FAM227A: variants seen among roughly 807,000 people sequenced by gnomAD.
FAM227A encodes the protein protein FAM227A.
Under a neutral mutation model 74.7 loss-of-function variants are expected in FAM227A, and 80 were observed. That is an observed-to-expected ratio of 1.07 (90% CI 0.89 to 1.29). The LOEUF (loss-of-function observed/expected upper bound fraction) is 1.29, where lower values mean the gene tolerates loss of function less well. Ranked by LOEUF, FAM227A falls within the 50% of genes most tolerant of loss-of-function variation. The pLI is 0.00. For synonymous variants in FAM227A, 237 were observed against 241.8 expected (o/e 0.98, Z 0.19); for missense variants, 654 against 683.4 (o/e 0.96, Z 0.48).
intron 10 of FAM227A, among the ~76,000 whole-genome samples, chr22:38,622,713 T>C (rs1056126017): frequency 1.3e-5 from 2 of 151,606 alleles, no homozygotes; most frequent in African/African-American, 4.8e-5. Flanking sequence ...CTGTCTCTAC[T>C]AAAAATACAA....
chr22:38,628,824 TTGTATTTA>T lies in FAM227A; in HGVS notation c.621+2_621+9del. The stretch of plus-strand genomic sequence containing the variant: ...AAGCAAGGCAGAGAAACAAGCAGAT[TTGTATTTA>T]CCTGGTACCTCTCATGAAATATCCA... On this transcript the variant is annotated splice_donor_variant and splice_donor_5th_base_variant and intron_variant, in intron 7 of 16. Coordinates refer to ENST00000535113, the MANE Select transcript of FAM227A (RefSeq NM_001013647.2). LOFTEE classifies it high-confidence loss of function. The T allele has an allele frequency of 7.0e-7, 1 of 1,437,264 alleles. No individual in the cohort carries two copies. The allele number at this position is 1,437,264 out of a possible 1,614,324, so 89.0% of individuals were successfully genotyped here.
In FAM227A at chr22:38,586,217, G is replaced by A. The variant is rs1292484524; in HGVS notation, c.1639-18C>T. The A allele has an allele frequency of 1.2e-5, 19 of 1,545,476 alleles. No homozygotes were observed. The highest frequency in any genetic ancestry group is 1.7e-4 in the Middle Eastern group (1 of 5,952). On this transcript the variant is annotated intron_variant, in intron 16 of 16. Coordinates refer to ENST00000535113, the MANE Select transcript of FAM227A (RefSeq NM_001013647.2). ...TTCCCCTCCTGTGGGGGAAACAAAC[G>A]AACAAAAACAAAAATTAATTTAAAA...
At chr22:38,646,654 A>T (rs1331866428) in intron 2 of FAM227A, among the ~76,000 whole-genome samples, 7 of 150,278 alleles carry the variant, frequency 4.7e-5, no homozygotes, top group African/African-American at 1.7e-4. Flanking sequence ...CATTATTATT[A>T]TTATTTTTTT....
intron 2 of FAM227A, among the ~76,000 whole-genome samples, chr22:38,649,145 C>A (rs2092286857): frequency 6.6e-6 from 1 of 152,116 alleles, no homozygotes; most frequent in South Asian, 2.1e-4. Context: ...CCATTCTTTC[C>A]ACAAATACTT....
intron 15 of FAM227A, among the ~76,000 whole-genome samples, chr22:38,595,981 G>A (rs1325870748): frequency 1.4e-5 from 2 of 140,974 alleles, no homozygotes; most frequent in African/African-American, 2.6e-5. Flanking sequence ...GGGGGGGGGG[G>A]CAGGATACTG....
intron 9 of FAM227A, 118 bp downstream of exon 9, chr22:38,626,062 G>C: frequency 9.6e-7 from 1 of 1,044,100 alleles, no homozygotes; most frequent in South Asian, 1.6e-5. Context: ...ATGTTAAGGA[G>C]AGAAAAGAGA....
intron 7 of FAM227A, 140 bp from the exon 8 acceptor site, chr22:38,628,482 T>C: frequency 3.1e-6 from 2 of 654,242 alleles, no homozygotes; most frequent in Non-Finnish European, 5.4e-6. Flanking sequence ...CTTTATGAAA[T>C]AATGTGTTCA....
chr22:38,592,721 G>C (rs994996634), intron 15 of FAM227A, among the ~76,000 whole-genome samples: 6 of 152,158 alleles, frequency 3.9e-5, no homozygotes, highest in Non-Finnish European at 7.4e-5. Flanking sequence ...GTAAATGAGA[G>C]AAAAGAAATT....
intron 13 of FAM227A, among the ~76,000 whole-genome samples, chr22:38,601,637 G>A (rs1447186827): frequency 3.3e-5 from 5 of 152,208 alleles, no homozygotes; most frequent in African/African-American, 1.2e-4. Context: ...GAGCAGTCAG[G>A]AGGCCCCTGC....
At chr22:38,626,124 A>C in intron 9 of FAM227A, 56 bp downstream of exon 9, 6 of 1,537,456 alleles carry the variant, frequency 3.9e-6, no homozygotes, top group Non-Finnish European at 5.3e-6. Flanking sequence ...CCTAGGTGCC[A>C]GCGGAAAACA....
chr22:38,642,242 A>T (rs2092132538), intron 3 of FAM227A, among the ~76,000 whole-genome samples: 2 of 152,220 alleles, frequency 1.3e-5, no homozygotes, highest in South Asian at 4.1e-4. Context: ...GAGAATGCCA[A>T]CTGGCAGGAG....
In FAM227A at chr22:38,591,575, C is replaced by T. The variant is rs755070894; in HGVS notation, c.1533-35G>A. 2.1e-6 allele frequency: 3 copies of T among 1,452,816 alleles called. No individual in the cohort carries two copies. In the South Asian group the frequency reaches 4.0e-5, roughly 19 times the overall value. The allele number at this position is 1,452,816 out of a possible 1,614,324, so 90.0% of individuals were successfully genotyped here. A position where few individuals can be genotyped will look rare whatever the true frequency, so the allele number is the denominator to read the frequency against. On this transcript the variant is annotated intron_variant, in intron 15 of 16. Transcript: ENST00000535113. ...AAACACAGAGACATATGGAAAAAGG[C>T]TGGAGTGATTAACATGTCCTCAATG...
intron 9 of FAM227A, among the ~76,000 whole-genome samples, 161 bp from the exon 10 acceptor site, chr22:38,623,440 A>C (rs892296685): frequency 2.0e-5 from 3 of 152,224 alleles, no homozygotes; most frequent in African/African-American, 4.8e-5. Flanking sequence ...AATTAAAAAA[A>C]GAGTGAAAAT....
At position 38,597,206 on chromosome 22, in the gene FAM227A, G is replaced by A; in HGVS notation, c.1530C>T (p.Ser510=). 4 of 1,552,140 alleles carry A rather than the reference G, an allele frequency of 2.6e-6. 1 individual carries two copies. The South Asian group carries it at 4.8e-5, about 18-fold the overall frequency. The part of the protein sequence containing the change: ...KHLKELQDNF[S]REMKNIDPKA... ...ATTCCCCAAAGCCCCTTCCATACCT[G>A]GAGAAGTTGTCTTGCAGCTCCTTTA... The change falls in exon 15 of 17, where the codon TCC becomes TCT. Residue 510 remains serine (S), a splice_region_variant and synonymous_variant. Coordinates refer to ENST00000535113, the MANE Select transcript of FAM227A (RefSeq NM_001013647.2).
rs1198629564 is a variant in FAM227A at position 38,621,386 on chromosome 22, GA to G, written c.959-1096del. Among the ~76,000 whole-genome samples the G allele has an allele frequency of 1.4e-3, 171 of 123,048 alleles. 1 individual carries two copies. Among genetic ancestry groups the G allele is most frequent in the East Asian group, 0.013 (52 of 4,142 alleles). 80.7% of individuals were successfully genotyped at this position (123,048 alleles called of 152,430 possible). A position where few individuals can be genotyped will look rare whatever the true frequency, so the allele number is the denominator to read the frequency against. The stretch of plus-strand genomic sequence containing the variant: ...AAAGAAAGAAAAGAAAAGAAAACAA[GA>G]AAAAAAAAAAAACTCCCTGAGTGTG... On this transcript the variant is annotated intron_variant, in intron 10 of 16. Transcript: ENST00000535113.
At position 38,581,585 on chromosome 22, in the gene FAM227A, A is replaced by G. The variant is rs1476015855; in HGVS notation, c.*4540T>C. On this transcript the variant is annotated 3_prime_UTR_variant, in exon 17 of 17. Transcript: ENST00000535113. ...CTTGCGAGTACCCGGGACTACAGGC[A>G]GCTGCCACCACACCCGGCTAATTTT... The G allele has an allele frequency of 1.3e-5, 2 of 152,118 alleles. No homozygotes were observed. The highest frequency in any genetic ancestry group is 4.8e-5 in the African/African-American group (2 of 41,402). The allele number at this position is 152,118 out of a possible 1,614,324, so 9.4% of individuals were successfully genotyped here. A position where few individuals can be genotyped will look rare whatever the true frequency, so the allele number is the denominator to read the frequency against.
intron 14 of FAM227A, among the ~76,000 whole-genome samples, chr22:38,598,055 A>AAAAAAG (rs2091088381): frequency 6.6e-6 from 1 of 151,636 alleles, no homozygotes; most frequent in Non-Finnish European, 1.5e-5. Context: ...AAAAAAAAAA[A>AAAAAAG]AAAAAGAAAA....
At chr22:38,596,227 G>A (rs374802331) in intron 15 of FAM227A, among the ~76,000 whole-genome samples, 13 of 152,080 alleles carry the variant, frequency 8.5e-5, no homozygotes, top group African/African-American at 2.9e-4. Context: ...AGGCTGAGGC[G>A]GGAGGATTGC....
chr22:38,636,400 C>T, intron 6 of FAM227A, 51 bp downstream of exon 6: 1 of 1,535,102 alleles, frequency 6.5e-7, no homozygotes, highest in Non-Finnish European at 8.8e-7. Context: ...GTGACAGCTG[C>T]ATTTGCCCCA....
Sources: allele counts gnomAD v4.1 joint callset (sites outside exome capture counted in the v4.1 genomes callset), GRCh38; gene constraint gnomAD v4.1.1; transcripts MANE v1.5; gene names NCBI Gene and HGNC (gene_info 2026-07-23, HGNC 2026-07-21).